ATP8B2: variants seen among roughly 807,000 people sequenced by gnomAD.
The protein encoded by ATP8B2 is phospholipid-transporting ATPase ID.
A neutral mutation model predicts 133.4 loss-of-function variants in ATP8B2; 70 were observed. The observed-to-expected ratio is 0.52, with a 90% confidence interval of 0.43 to 0.64. The LOEUF is 0.64. ATP8B2 is among the 30% of genes least tolerant of loss of function. The pLI, the probability that ATP8B2 is intolerant of heterozygous loss-of-function variation, is 0.00. For synonymous variants in ATP8B2, 517 were observed against 589.5 expected (o/e 0.88, Z 1.78); for missense variants, 1,101 against 1,535.7 (o/e 0.72, Z 4.73).
At chr1:154,348,634 T>G in intron 27 of ATP8B2, 96 bp downstream of exon 27, 1 of 1,527,932 alleles carries the variant, frequency 6.5e-7, no homozygotes. Flanking sequence ...CATGTGGCTG[T>G]TCAGTGTGTT....
chr1:154,348,915 TC>T lies in ATP8B2; in HGVS notation c.3373del (p.Arg1125GlyfsTer25). Reference protein sequence around the residue: ...RCMRRVGRTGSRRSGYAFSHQ... With the variant: ...RCMRRVGRTGXRRSGYAFSHQ... ...CATGCGGCGGGTTGGCCGCACTGGCTCCCGGCGCTCCGGCTATGCCTTCTCC... is the reference window on the plus strand; with the variant it reads ...CATGCGGCGGGTTGGCCGCACTGGCTCCGGCGCTCCGGCTATGCCTTCTCC... On this transcript the variant is annotated frameshift_variant, in exon 28 of 28. Transcript: ENST00000368489. LOFTEE classifies it high-confidence loss of function. The T allele has an allele frequency of 6.2e-7, 1 of 1,613,890 alleles. No homozygotes were observed. Among genetic ancestry groups the T allele is most frequent in the Non-Finnish European group, 8.5e-7 (1 of 1,179,894 alleles).
chr1:154,346,134 G>A lies in ATP8B2; in HGVS notation c.2779-97G>A. 1 of 1,514,384 alleles carries A rather than the reference G, an allele frequency of 6.6e-7. No individual in the cohort carries two copies. Among genetic ancestry groups the A allele is most frequent in the Non-Finnish European group, 9.0e-7 (1 of 1,116,458 alleles). 93.8% of individuals were successfully genotyped at this position (1,514,384 alleles called of 1,614,324 possible). A position where few individuals can be genotyped will look rare whatever the true frequency, so the allele number is the denominator to read the frequency against. ...TTCTAGCTGCCAAAGACTTTGGAAA[G>A]GAGGAGGCAGGGACAGAGTCAGAGT... On this transcript the variant is annotated intron_variant, in intron 24 of 27. Coordinates refer to ENST00000368489, the MANE Select transcript of ATP8B2 (RefSeq NM_001370597.1). The surrounding 1 kb of genome is among the most constrained non-coding windows in gnomAD (Gnocchi z 4.5).
chr1:154,330,306 A>G, intron 2 of ATP8B2, 90 bp from the exon 3 acceptor site: 1 of 1,165,480 alleles, frequency 8.6e-7, no homozygotes, highest in East Asian at 2.4e-5. Flanking sequence ...TTAAAATGAT[A>G]TTCTGTGGAA....
At position 154,343,083 on chromosome 1, in the gene ATP8B2, A is replaced by G. The variant is rs780009809; in HGVS notation, c.1454-30A>G. On this transcript the variant is annotated intron_variant, in intron 15 of 27. Transcript: ENST00000368489. This position sits in a 1 kb window ranked among gnomAD's most constrained non-coding sequence, Gnocchi z 5.8. Reference sequence around the variant, plus strand: ...GGCACGTGGCTGAGGGAAGCCACTTATATCACGTGTATTCTTCCTCCCCAC... The same window carrying G: ...GGCACGTGGCTGAGGGAAGCCACTTGTATCACGTGTATTCTTCCTCCCCAC... 1 of 1,603,556 alleles carries G rather than the reference A, an allele frequency of 6.2e-7. No individual in the cohort carries two copies. The highest frequency in any genetic ancestry group is 8.5e-7 in the Non-Finnish European group (1 of 1,174,046).
Position 154,331,551 on chromosome 1 carries a change from C to G in ATP8B2, c.365+46C>G. 1 of 1,613,412 alleles carries G rather than the reference C, an allele frequency of 6.2e-7. No homozygotes were observed. The highest frequency in any genetic ancestry group is 8.5e-7 in the Non-Finnish European group (1 of 1,179,290). On this transcript the variant is annotated intron_variant, in intron 6 of 27. Transcript: ENST00000368489. This position sits in a 1 kb window ranked among gnomAD's most constrained non-coding sequence, Gnocchi z 4.8. The stretch of plus-strand genomic sequence containing the variant: ...AGAGCTCTGGGGACGAAGGGGGTCC[C>G]TTAGGAACCTCTTTAGCTCCTGACA...
chr1:154,345,629 A>C lies in ATP8B2; in HGVS notation c.2694+84A>C. 1 of 1,377,828 alleles carries C rather than the reference A, an allele frequency of 7.3e-7. No homozygotes were observed. Among genetic ancestry groups the C allele is most frequent in the South Asian group, 1.2e-5 (1 of 80,138 alleles). 85.4% of individuals were successfully genotyped at this position (1,377,828 alleles called of 1,614,324 possible). On this transcript the variant is annotated intron_variant, in intron 23 of 27. Transcript: ENST00000368489. The surrounding 1 kb of genome is among the most constrained non-coding windows in gnomAD (Gnocchi z 5.6). ...TGTCTTGTTTATCACTCAGTCCCCC[A>C]GGGCCTAGCTATTTTCTGGTACATA...
chr1:154,327,035 G>A (rs1685812681), intron 1 of ATP8B2, among the ~76,000 whole-genome samples: 1 of 152,252 alleles, frequency 6.6e-6, no homozygotes, highest in South Asian at 2.1e-4. Context: ...GCCTGACTTG[G>A]TGTAAGGGCG....
At position 154,331,775 on chromosome 1, in the gene ATP8B2, C is replaced by G. The variant is rs1012867344; in HGVS notation, c.438+97C>G. The G allele has an allele frequency of 7.1e-7, 1 of 1,411,084 alleles. No individual in the cohort carries two copies. Among genetic ancestry groups the G allele is most frequent in the Non-Finnish European group, 1.0e-6 (1 of 997,378 alleles). The allele number at this position is 1,411,084 out of a possible 1,614,324, so 87.4% of individuals were successfully genotyped here. A position where few individuals can be genotyped will look rare whatever the true frequency, so the allele number is the denominator to read the frequency against. On this transcript the variant is annotated intron_variant, in intron 7 of 27. Transcript: ENST00000368489. The surrounding 1 kb of genome is among the most constrained non-coding windows in gnomAD (Gnocchi z 4.8). ...TGATTTACTGTTGCCTCTTAAACAC[C>G]CGTGGCAGGAATCTTTCTCACACCA... is the stretch of plus-strand genomic sequence containing the variant.
intron 1 of ATP8B2, among the ~76,000 whole-genome samples, chr1:154,327,385 C>T (rs768123656): frequency 7.1e-6 from 1 of 140,908 alleles, no homozygotes; most frequent in Non-Finnish European, 1.5e-5. Flanking sequence ...CTGGTGCTCC[C>T]TAAGCCTGCA....
rs771087209 is a variant in ATP8B2, at chr1:154,342,816, C to A, written c.1308C>A (p.Phe436Leu). Residue 436 changes from phenylalanine to leucine, a missense_variant, in exon 15 of 28, where the codon TTC becomes TTA. Transcript: ENST00000368489. ...TTCAGAGGCCTGAACCTGTTGACTTCTCCTTCAATCCTCTGGCTGACAAGA... is the reference window on the plus strand; with the variant it reads ...TTCAGAGGCCTGAACCTGTTGACTTATCCTTCAATCCTCTGGCTGACAAGA... ...ELGERPEPVD[F>L]SFNPLADKKF... 1 of 1,614,076 alleles carries A rather than the reference C, an allele frequency of 6.2e-7. No homozygotes were observed. The highest frequency in any genetic ancestry group is 8.5e-7 in the Non-Finnish European group (1 of 1,180,038).
rs929831059 is a variant in ATP8B2 at position 154,327,924 on chromosome 1, G to C, written c.-37-181G>C. On this transcript the variant is annotated intron_variant, in intron 1 of 27. Coordinates refer to ENST00000368489, the MANE Select transcript of ATP8B2 (RefSeq NM_001370597.1). ...CCAAGGCAGGGGCATGATGGGAGGTGGTGGGGAAGTCCCCTCTTTCCCAGG... is the reference window on the plus strand; with the variant it reads ...CCAAGGCAGGGGCATGATGGGAGGTCGTGGGGAAGTCCCCTCTTTCCCAGG... 18 of 1,566,588 alleles carry C rather than the reference G, an allele frequency of 1.1e-5. No individual in the cohort carries two copies. In the Admixed American group the frequency reaches 2.8e-4, roughly 25 times the overall value.
chr1:154,341,622 G>A (rs565925564), intron 13 of ATP8B2: 125 of 159,920 alleles, frequency 7.8e-4, no homozygotes, highest in Non-Finnish European at 1.5e-3. Context: ...GTGAAACTCC[G>A]TCTCTACTAA....
At position 154,337,619 on chromosome 1, in the gene ATP8B2, T is replaced by C. The variant is rs371529431; in HGVS notation, c.1034+75T>C. ...ATAGAACTTTTCTTTTCTATGAAGA[T>C]GAAGTCCTTGAGAAGTAACGAGAAG... is the stretch of plus-strand genomic sequence containing the variant. On this transcript the variant is annotated intron_variant, in intron 12 of 27. Transcript: ENST00000368489. 6.2e-6 allele frequency: 10 copies of C among 1,614,034 alleles called. No homozygotes were observed. In the African/African-American group the frequency reaches 1.3e-4, roughly 22 times the overall value.
In ATP8B2 at chr1:154,330,601, G is replaced by A. The variant is rs993762689; in HGVS notation, c.90+147G>A. On this transcript the variant is annotated intron_variant, in intron 3 of 27. Transcript: ENST00000368489. ...CCTCAGCCACTCTCCATCTGCTATC[G>A]TGCTGAATTTTTCATGCCTTCACCT... The A allele has an allele frequency of 1.8e-5, 16 of 874,588 alleles. No individual in the cohort carries two copies. The African/African-American group carries it at 2.2e-4, about 12-fold the overall frequency. 54.2% of individuals were successfully genotyped at this position (874,588 alleles called of 1,614,324 possible).
chr1:154,341,098 C>T, intron 13 of ATP8B2, 36 bp downstream of exon 13: 1 of 1,608,454 alleles, frequency 6.2e-7, no homozygotes. Context: ...GGGCTTGCAC[C>T]TCGCCTGGAA....
chr1:154,331,915 G>A lies in ATP8B2; in HGVS notation c.439-39G>A, dbSNP rs1395894944. On this transcript the variant is annotated intron_variant, in intron 7 of 27. Coordinates refer to ENST00000368489, the MANE Select transcript of ATP8B2 (RefSeq NM_001370597.1). This position sits in a 1 kb window ranked among gnomAD's most constrained non-coding sequence, Gnocchi z 4.8. ...CCATTACAGCCCACTGGGGGTGGAG[G>A]TTTGCATATTTGGACTTCTCATTAG... The A allele has an allele frequency of 6.3e-7, 1 of 1,585,192 alleles. No individual in the cohort carries two copies. The highest frequency in any genetic ancestry group is 8.7e-7 in the Non-Finnish European group (1 of 1,153,738).
rs916375224 is a variant in ATP8B2, at chr1:154,344,588, G to C, written c.2142-53G>C. On this transcript the variant is annotated intron_variant, in intron 20 of 27. Coordinates refer to ENST00000368489, the MANE Select transcript of ATP8B2 (RefSeq NM_001370597.1). This position sits in a 1 kb window ranked among gnomAD's most constrained non-coding sequence, Gnocchi z 4.1. Reference sequence around the variant, plus strand: ...CTGGACCATTTAGACTTGAATCCCTGCTCCCCACTGCCGTTCTGGAAGACC... The same window carrying C: ...CTGGACCATTTAGACTTGAATCCCTCCTCCCCACTGCCGTTCTGGAAGACC... 1.9e-6 allele frequency: 3 copies of C among 1,608,064 alleles called. No individual in the cohort carries two copies. The highest frequency in any genetic ancestry group is 1.3e-5 in the African/African-American group (1 of 74,756).
In ATP8B2 at chr1:154,330,839, T is replaced by C; in HGVS notation, c.115T>C (p.Tyr39His). The change falls in exon 4 of 28, where the codon TAC becomes CAC. Residue 39 changes from tyrosine (Y) to histidine (H), a missense_variant. Transcript: ENST00000368489. The part of the protein sequence containing the change: ...YASNCIKTSK[Y>H]NILTFLPVNL... ...GAGTAACTGCATCAAGACCTCCAAG[T>C]ACAATATTCTCACCTTCCTGCCTGT... is the stretch of plus-strand genomic sequence containing the variant. 6.2e-7 allele frequency: 1 copy of C among 1,614,122 alleles called. No individual in the cohort carries two copies. The highest frequency in any genetic ancestry group is 2.2e-5 in the East Asian group (1 of 44,890).
At chr1:154,335,742 A>C (rs1686157353) in intron 11 of ATP8B2, among the ~76,000 whole-genome samples, 1 of 150,904 alleles carries the variant, frequency 6.6e-6, no homozygotes, top group Admixed American at 6.6e-5. Context: ...AGTTTAAAAA[A>C]AAAAAAGGCA....
Sources: gnomAD v4.1 joint callset for allele counts (sites outside exome capture counted in the v4.1 genomes callset) on GRCh38, gnomAD v4.1.1 for gene constraint, Gnocchi (gnomAD v3.1) non-coding constraint, MANE v1.5 for transcripts, NCBI Gene and HGNC (gene_info 2026-07-23, HGNC 2026-07-21) for gene names.